GBE1: variants seen among roughly 807,000 people sequenced by gnomAD.
GBE1 encodes 1,4-alpha-glucan-branching enzyme.
Under a neutral mutation model 88.8 loss-of-function variants are expected in GBE1, and 70 were observed. The ratio of observed to expected loss-of-function variants is 0.79; its 90% CI spans 0.65 to 0.96. The LOEUF is 0.96. Among genes scored for constraint, GBE1 ranks in the 40% least tolerant of loss-of-function variants. The pLI is 0.00. For synonymous variants in GBE1, 284 were observed against 300.1 expected (o/e 0.95, Z 0.56); for missense variants, 872 against 871.0 (o/e 1.00, Z -0.01).
intron 1 of GBE1, among the ~76,000 whole-genome samples, chr3:81,739,669 G>A (rs542903567): frequency 3.3e-5 from 5 of 152,022 alleles, no homozygotes; most frequent in Admixed American, 1.3e-4. Flanking sequence ...ATGTGGTCAC[G>A]GATTCTCTAG....
chr3:81,563,890 G>A (rs1471022336), intron 12 of GBE1, among the ~76,000 whole-genome samples: 1 of 151,048 alleles, frequency 6.6e-6, no homozygotes, highest in Non-Finnish European at 1.5e-5. Flanking sequence ...ATTCAGGGAG[G>A]GAGAGACGGA....
At chr3:81,619,913 TA>T (rs1347333896) in intron 7 of GBE1, among the ~76,000 whole-genome samples, 1 of 151,700 alleles carries the variant, frequency 6.6e-6, no homozygotes. Flanking sequence ...TCTCTTAGAG[TA>T]AAACCTTTTC....
At chr3:81,543,288 G>C (rs922840569) in intron 12 of GBE1, among the ~76,000 whole-genome samples, 1 of 152,022 alleles carries the variant, frequency 6.6e-6, no homozygotes, top group Non-Finnish European at 1.5e-5. Flanking sequence ...AAGAGAGACA[G>C]AAAAATTGTA....
intron 2 of GBE1, among the ~76,000 whole-genome samples, chr3:81,696,043 C>A (rs1298704817): frequency 3.3e-5 from 5 of 152,054 alleles, no homozygotes; most frequent in African/African-American, 1.2e-4. Flanking sequence ...TCCGCCCCCC[C>A]AAGATCTATT....
At chr3:81,587,313 A>T (rs1161916907) in intron 9 of GBE1, among the ~76,000 whole-genome samples, 1 of 152,200 alleles carries the variant, frequency 6.6e-6, no homozygotes, top group African/African-American at 2.4e-5. Flanking sequence ...TATCAATTCT[A>T]ATTCCACAAT....
At chr3:81,691,281 C>G (rs1352203553) in intron 2 of GBE1, among the ~76,000 whole-genome samples, 1 of 152,012 alleles carries the variant, frequency 6.6e-6, no homozygotes, top group Non-Finnish European at 1.5e-5. Flanking sequence ...TGATTCCTCA[C>G]CCTGTGAAGA....
At chr3:81,493,369 C>T (rs1702460784) in intron 15 of GBE1, among the ~76,000 whole-genome samples, 2 of 151,990 alleles carry the variant, frequency 1.3e-5, no homozygotes, top group Non-Finnish European at 2.9e-5. Context: ...AGTGACATAT[C>T]TCAGATTTGG....
chr3:81,599,874 T>TAAA (rs1275541167), intron 7 of GBE1, among the ~76,000 whole-genome samples: 1 of 152,240 alleles, frequency 6.6e-6, no homozygotes, highest in Non-Finnish European at 1.5e-5. Context: ...TAATCAGCTT[T>TAAA]AAAGAGCTTA....
intron 11 of GBE1, among the ~76,000 whole-genome samples, 184 bp from the exon 12 acceptor site, chr3:81,578,280 G>A (rs960618380): frequency 4.6e-5 from 7 of 152,070 alleles, no homozygotes; most frequent in African/African-American, 1.2e-4. Flanking sequence ...GGTAAAATAT[G>A]TTAGACTTCA....
At chr3:81,544,577 A>T (rs1315571030) in intron 12 of GBE1, among the ~76,000 whole-genome samples, 2 of 152,140 alleles carry the variant, frequency 1.3e-5, no homozygotes, top group African/African-American at 2.4e-5. Flanking sequence ...CTTTGGCTAA[A>T]CCTTAAAACA....
At chr3:81,715,714 A>G (rs187314686) in intron 1 of GBE1, among the ~76,000 whole-genome samples, 1 of 152,268 alleles carries the variant, frequency 6.6e-6, no homozygotes, top group East Asian at 1.9e-4. Context: ...TTCACTTAAC[A>G]ATCTCAGAAT....
chr3:81,642,550 A>G, intron 7 of GBE1: 1 of 385,572 alleles, frequency 2.6e-6, no homozygotes, highest in South Asian at 4.4e-5. Flanking sequence ...TGATTATATA[A>G]CCAATATATT....
At chr3:81,665,500 C>A (rs543795984) in intron 3 of GBE1, among the ~76,000 whole-genome samples, 37 of 148,516 alleles carry the variant, frequency 2.5e-4, no homozygotes, top group Admixed American at 4.0e-4. Flanking sequence ...TGCGCCACTG[C>A]ACTCCAGCCT....
At chr3:81,534,364 T>C (rs1253491095) in intron 14 of GBE1, among the ~76,000 whole-genome samples, 4 of 152,066 alleles carry the variant, frequency 2.6e-5, no homozygotes, top group African/African-American at 9.7e-5. Flanking sequence ...AATTCCTATA[T>C]TTACAGTAAT....
chr3:81,711,988 G>A (rs781188865), intron 1 of GBE1, among the ~76,000 whole-genome samples: 4 of 152,124 alleles, frequency 2.6e-5, no homozygotes, highest in African/African-American at 7.2e-5. Flanking sequence ...AGAAGTGGGC[G>A]AAGGATATGA....
intron 7 of GBE1, among the ~76,000 whole-genome samples, chr3:81,639,349 T>A (rs1022786104): frequency 1.1e-3 from 161 of 142,180 alleles, no homozygotes; most frequent in Admixed American, 4.8e-3. Context: ...GTATTTTTTT[T>A]TAAAAAAAAT....
chr3:81,632,955 G>GT (rs954665820), intron 7 of GBE1, among the ~76,000 whole-genome samples: 2 of 152,068 alleles, frequency 1.3e-5, no homozygotes, highest in African/African-American at 4.8e-5. Flanking sequence ...TTCTTCCATT[G>GT]TTTTTTGCTG....
At chr3:81,635,154 G>A (rs1347330415) in intron 7 of GBE1, among the ~76,000 whole-genome samples, 1 of 152,134 alleles carries the variant, frequency 6.6e-6, no homozygotes, top group East Asian at 1.9e-4. Context: ...GAATTTGAAA[G>A]GCTATACAGG....
chr3:81,676,279 C>A (rs907100211), intron 2 of GBE1, among the ~76,000 whole-genome samples: 4 of 151,964 alleles, frequency 2.6e-5, no homozygotes, highest in Admixed American at 2.6e-4. Context: ...AGTCTTGGAG[C>A]AACATTTAGG....
Sources: allele counts gnomAD v4.1 joint callset (sites outside exome capture counted in the v4.1 genomes callset), GRCh38; gene constraint gnomAD v4.1.1; transcripts MANE v1.5; gene names NCBI Gene and HGNC (gene_info 2026-07-23, HGNC 2026-07-21).